Variants in ZDHHC14 observed in about 807,000 individuals in gnomAD.
The protein encoded by ZDHHC14 is zDHHC palmitoyltransferase 14, also known as palmitoyltransferase ZDHHC14.
In ZDHHC14, 16 loss-of-function variants were observed where a neutral mutation model predicts 47.7. The observed-to-expected ratio is 0.34, with a 90% CI of 0.23 to 0.51. ZDHHC14 has a LOEUF of 0.51. Among genes scored for constraint, ZDHHC14 ranks in the 20% least tolerant of loss-of-function variants. The pLI is 0.97. For synonymous variants in ZDHHC14, 293 were observed against 278.9 expected (o/e 1.05, Z -0.50); for missense variants, 515 against 662.5 (o/e 0.78, Z 2.44).
intron 2 of ZDHHC14, among the ~76,000 whole-genome samples, chr6:157,579,920 T>C (rs1009418805): frequency 2.6e-5 from 4 of 152,188 alleles, no homozygotes; most frequent in Non-Finnish European, 5.9e-5. Flanking sequence ...CTTCCAGTAC[T>C]ATGTTGAATA....
At chr6:157,447,403 C>T (rs1267980237) in intron 1 of ZDHHC14, among the ~76,000 whole-genome samples, 1 of 152,206 alleles carries the variant, frequency 6.6e-6, no homozygotes, top group African/African-American at 2.4e-5. Flanking sequence ...GACCCTGAGC[C>T]CCTTACGGAG....
At chr6:157,447,661 G>A (rs912366935) in intron 1 of ZDHHC14, among the ~76,000 whole-genome samples, 5 of 152,180 alleles carry the variant, frequency 3.3e-5, no homozygotes, top group African/African-American at 9.7e-5. Flanking sequence ...ATCCTGAATC[G>A]GAAGTTGTCC....
At position 157,531,231 on chromosome 6, in the gene ZDHHC14, A is replaced by T. The variant is rs1026745113; in HGVS notation, c.246-11354A>T. 5.9e-5 allele frequency among the ~76,000 whole-genome samples: 9 copies of T among 152,284 alleles called. No homozygotes were observed. In the East Asian group the frequency reaches 1.7e-3, roughly 29 times the overall value. On this transcript the variant is annotated intron_variant, in intron 1 of 8. Coordinates refer to ENST00000359775, the MANE Select transcript of ZDHHC14 (RefSeq NM_024630.3). Reference sequence around the variant, plus strand: ...AGCAAATATTTGTCGAGTGCCTATCATGTAGCAGTGTGTGAGGCACTGGGG... The same window carrying T: ...AGCAAATATTTGTCGAGTGCCTATCTTGTAGCAGTGTGTGAGGCACTGGGG...
At chr6:157,428,915 C>G (rs536255452) in intron 1 of ZDHHC14, among the ~76,000 whole-genome samples, 1 of 152,132 alleles carries the variant, frequency 6.6e-6, no homozygotes, top group Non-Finnish European at 1.5e-5. Context: ...AGCCATGTAC[C>G]TGGTTGACAG....
chr6:157,464,885 C>T (rs1471101950), intron 1 of ZDHHC14, among the ~76,000 whole-genome samples: 8 of 152,188 alleles, frequency 5.3e-5, no homozygotes, highest in Non-Finnish European at 8.8e-5. Context: ...ACCAGAGCAG[C>T]TCAGGGCGGG....
intron 1 of ZDHHC14, among the ~76,000 whole-genome samples, chr6:157,406,871 G>A (rs1216652174): frequency 1.3e-5 from 2 of 152,148 alleles, no homozygotes; most frequent in African/African-American, 4.8e-5. Context: ...CTAATTGCCT[G>A]ACATGCAGAA....
intron 3 of ZDHHC14, among the ~76,000 whole-genome samples, chr6:157,604,147 C>T (rs933469488): frequency 4.6e-5 from 7 of 151,988 alleles, no homozygotes; most frequent in Non-Finnish European, 1.0e-4. Context: ...ATTAGCTAGG[C>T]GTGGTGGCGG....
chr6:157,477,910 A>G (rs1366640618), intron 1 of ZDHHC14, among the ~76,000 whole-genome samples: 1 of 152,242 alleles, frequency 6.6e-6, no homozygotes, highest in Non-Finnish European at 1.5e-5. Context: ...ATACTGTTGT[A>G]TGAACGACGT....
intron 3 of ZDHHC14, among the ~76,000 whole-genome samples, chr6:157,625,396 G>C (rs967250317): frequency 9.9e-5 from 15 of 152,162 alleles, no homozygotes; most frequent in African/African-American, 3.6e-4. Context: ...GGCCAGTCAG[G>C]CCATGCAGCA....
At position 157,565,695 on chromosome 6, in the gene ZDHHC14, A is replaced by G. The variant is rs138410187; in HGVS notation, c.406+22950A>G. 3.2e-3 allele frequency among the ~76,000 whole-genome samples: 488 copies of G among 152,068 alleles called. 1 individual carries two copies. The highest frequency in any genetic ancestry group is 0.011 in the African/African-American group (469 of 41,464). On this transcript the variant is annotated intron_variant, in intron 2 of 8. Transcript: ENST00000359775. ...TTAGCTGGGTGTGGTAATCCCAGCT[A>G]CTATGGGGGGCTGAGGCAGGAGACT...
In ZDHHC14 at chr6:157,558,354, C is replaced by G. The variant is rs554331869; in HGVS notation, c.406+15609C>G. 2.0e-5 allele frequency among the ~76,000 whole-genome samples: 3 copies of G among 152,314 alleles called. No individual in the cohort carries two copies. The South Asian group carries it at 6.2e-4, about 32-fold the overall frequency. On this transcript the variant is annotated intron_variant, in intron 2 of 8. Transcript: ENST00000359775. ...TGGTATTCTGATGGTTCATTTCTGA[C>G]CTGGCTAGTCTGCATTACACAGGGA...
chr6:157,472,520 T>G (rs1779380764), intron 1 of ZDHHC14, among the ~76,000 whole-genome samples: 1 of 152,022 alleles, frequency 6.6e-6, no homozygotes, highest in Non-Finnish European at 1.5e-5. Context: ...GGCTTGCTTC[T>G]GGGAGCGGGC....
intron 2 of ZDHHC14, among the ~76,000 whole-genome samples, chr6:157,588,949 G>A (rs142793282): frequency 0.012 from 1,900 of 152,192 alleles, 51 homozygotes; most frequent in African/African-American, 0.043. Flanking sequence ...CTTGGAGCAG[G>A]CCTTCTCATC....
intron 4 of ZDHHC14, chr6:157,632,230 C>T (rs1327908980): frequency 1.3e-5 from 2 of 153,716 alleles, no homozygotes; most frequent in Non-Finnish European, 2.9e-5. Context: ...ATTGTTAAAA[C>T]TACCTCCATT....
Position 157,673,041 on chromosome 6 carries a change from C to T in ZDHHC14, c.1386C>T (p.Thr462=). ...GCAGCCCCCTGGCGCACAGCCGCAC[C>T]ATGCACGTGCTGGGCCTGGCCAGCC... ...AAGSPLAHSR[T]MHVLGLASQD... The change falls in exon 9 of 9, where the codon ACC becomes ACT. Residue 462 remains threonine (T), a synonymous_variant. Transcript: ENST00000359775. The surrounding 1 kb of genome is among the most constrained non-coding windows in gnomAD (Gnocchi z 5.4). The T allele has an allele frequency of 1.3e-6, 2 of 1,566,520 alleles. No individual in the cohort carries two copies. Among genetic ancestry groups the T allele is most frequent in the Non-Finnish European group, 8.6e-7 (1 of 1,163,066 alleles).
chr6:157,581,279 T>G (rs1292546952), intron 2 of ZDHHC14, among the ~76,000 whole-genome samples: 1 of 150,210 alleles, frequency 6.7e-6, no homozygotes, highest in African/African-American at 2.4e-5. Flanking sequence ...GTGCTATGGC[T>G]TGAAAGTGTA....
intron 1 of ZDHHC14, among the ~76,000 whole-genome samples, chr6:157,508,129 C>G (rs9457642): frequency 0.078 from 11,823 of 152,184 alleles, 1,100 homozygotes; most frequent in African/African-American, 0.2. Context: ...TCTTTCAAAG[C>G]TTTTAGATGT....
At chr6:157,636,656 A>C (rs941414571) in intron 5 of ZDHHC14, among the ~76,000 whole-genome samples, 16 of 152,096 alleles carry the variant, frequency 1.1e-4, no homozygotes, top group African/African-American at 3.4e-4. Context: ...ACAAAACCCC[A>C]TTCCCCCTGG....
chr6:157,414,247 T>G (rs755843751), intron 1 of ZDHHC14, among the ~76,000 whole-genome samples: 3 of 152,234 alleles, frequency 2.0e-5, no homozygotes, highest in Non-Finnish European at 2.9e-5. Context: ...GTTCTTGTTC[T>G]GGCTCTGCCG....
Sources: gnomAD v4.1 joint callset for allele counts (sites outside exome capture counted in the v4.1 genomes callset) on GRCh38, gnomAD v4.1.1 for gene constraint, Gnocchi (gnomAD v3.1) non-coding constraint, MANE v1.5 for transcripts, NCBI Gene and HGNC (gene_info 2026-07-23, HGNC 2026-07-21) for gene names.